ABI3BP: variants seen among roughly 807,000 people sequenced by gnomAD.
ABI3BP encodes the protein target of Nesh-SH3.
ABI3BP carries 216 observed loss-of-function variants against 268.6 expected under a neutral mutation model. The observed-to-expected ratio is 0.80, with a 90% CI of 0.72 to 0.90. ABI3BP has a LOEUF of 0.90. ABI3BP is among the 40% of genes least tolerant of loss of function. The probability of loss-of-function intolerance (pLI) is 0.00; values close to 1 mark genes in which losing one functional copy is unlikely to be tolerated. For missense variants in ABI3BP, 2,090 were observed against 2,182.4 expected (o/e 0.96, Z 0.84); for synonymous variants, 730 against 730.0 (o/e 1.00, Z 0.00).
intron 1 of ABI3BP, among the ~76,000 whole-genome samples, chr3:100,950,706 T>C (rs915519529): frequency 6.6e-6 from 1 of 152,004 alleles, no homozygotes; most frequent in African/African-American, 2.4e-5. Context: ...TTTTAAAAAT[T>C]AATATAAGAT....
chr3:100,981,512 C>A (rs2089437970), intron 1 of ABI3BP, among the ~76,000 whole-genome samples: 1 of 152,106 alleles, frequency 6.6e-6, no homozygotes, highest in Non-Finnish European at 1.5e-5. Context: ...ACAATCAAAC[C>A]AATCCAGTAC....
chr3:100,958,885 C>T (rs148297300), intron 1 of ABI3BP, among the ~76,000 whole-genome samples: 1 of 152,280 alleles, frequency 6.6e-6, no homozygotes, highest in East Asian at 1.9e-4. Context: ...TCTTCACGAA[C>T]CTCATGGTTA....
intron 9 of ABI3BP, among the ~76,000 whole-genome samples, chr3:100,872,004 TTTTTTA>T (rs2099115007): frequency 6.6e-6 from 1 of 152,056 alleles, no homozygotes; most frequent in African/African-American, 2.4e-5. Context: ...GCCTGGCTAT[TTTTTTA>T]TTTTAATATT....
intron 3 of ABI3BP, 32 bp downstream of exon 3, chr3:100,902,586 A>C (rs1383232969): frequency 6.2e-7 from 1 of 1,605,818 alleles, no homozygotes; most frequent in South Asian, 1.1e-5. Flanking sequence ...AAAGTTCATA[A>C]AAGAAAAAGA....
chr3:100,842,284 T>C (rs575869525), intron 20 of ABI3BP, among the ~76,000 whole-genome samples: 69 of 152,336 alleles, frequency 4.5e-4, no homozygotes, highest in African/African-American at 1.6e-3. Flanking sequence ...CCTCTGGTGC[T>C]GAGGAAATAC....
chr3:100,925,188 A>T (rs1418295425), intron 2 of ABI3BP, among the ~76,000 whole-genome samples: 1 of 152,186 alleles, frequency 6.6e-6, no homozygotes. Context: ...AGACGTCTGT[A>T]TGAGAAACAA....
chr3:100,822,305 CT>C (rs1329664363), intron 38 of ABI3BP, among the ~76,000 whole-genome samples: 1 of 152,130 alleles, frequency 6.6e-6, no homozygotes, highest in Non-Finnish European at 1.5e-5. Context: ...CTGAATATGT[CT>C]AATTTTTCTA....
At chr3:100,863,180 T>C (rs1446485310) in intron 12 of ABI3BP, 3 of 331,876 alleles carry the variant, frequency 9.0e-6, no homozygotes, top group East Asian at 1.2e-4. Flanking sequence ...TCTTCAGCTA[T>C]GTTTATGTGT....
intron 14 of ABI3BP, among the ~76,000 whole-genome samples, chr3:100,856,482 T>C (rs934679983): frequency 1.3e-5 from 2 of 152,218 alleles, no homozygotes; most frequent in Non-Finnish European, 2.9e-5. Flanking sequence ...GATAACTGTA[T>C]ATGATTCAAG....
chr3:100,799,183 C>T (rs1163839307), intron 51 of ABI3BP, among the ~76,000 whole-genome samples: 1 of 152,088 alleles, frequency 6.6e-6, no homozygotes. Flanking sequence ...TGCTCTCATT[C>T]CTTTAATAAA....
chr3:100,832,248 GA>G lies in ABI3BP; in HGVS notation c.2401+15del. ...TAGACTGCTTGGATTCTACAAAACAGAAACTACATATTTACCCAGTTTAGTT... is the reference window on the plus strand; with the variant it reads ...TAGACTGCTTGGATTCTACAAAACAGAACTACATATTTACCCAGTTTAGTT... On this transcript the variant is annotated intron_variant, in intron 31 of 67. Transcript: ENST00000471714. 6.5e-7 allele frequency: 1 copy of G among 1,533,960 alleles called. No homozygotes were observed. The highest frequency in any genetic ancestry group is 1.7e-4 in the Middle Eastern group (1 of 5,976).
chr3:100,867,560 G>C (rs988598053), intron 9 of ABI3BP, among the ~76,000 whole-genome samples: 9 of 143,886 alleles, frequency 6.3e-5, no homozygotes, highest in African/African-American at 2.1e-4. Flanking sequence ...AGAATGGCGT[G>C]AACCCGGGAG....
At chr3:100,946,321 A>T (rs1158139631) in intron 1 of ABI3BP, among the ~76,000 whole-genome samples, 4 of 151,618 alleles carry the variant, frequency 2.6e-5, no homozygotes, top group African/African-American at 9.7e-5. Flanking sequence ...AGGTGAGCCA[A>T]ATCATGCCAC....
At chr3:100,916,973 G>T (rs942568627) in intron 2 of ABI3BP, among the ~76,000 whole-genome samples, 1 of 152,178 alleles carries the variant, frequency 6.6e-6, no homozygotes, top group African/African-American at 2.4e-5. Flanking sequence ...AGAACAGCAG[G>T]TGTCAACCAT....
chr3:100,776,118 C>G (rs1359914225), intron 59 of ABI3BP, among the ~76,000 whole-genome samples: 1 of 152,200 alleles, frequency 6.6e-6, no homozygotes, highest in Non-Finnish European at 1.5e-5. Flanking sequence ...AAAACTGGAT[C>G]CATCCCAAGG....
At chr3:100,918,137 A>T (rs2059202892) in intron 2 of ABI3BP, among the ~76,000 whole-genome samples, 1 of 152,180 alleles carries the variant, frequency 6.6e-6, no homozygotes, top group African/African-American at 2.4e-5. Flanking sequence ...CCAAGTGGTA[A>T]ATCTATTTCC....
At chr3:100,887,536 T>G (rs2042545996) in intron 4 of ABI3BP, among the ~76,000 whole-genome samples, 1 of 152,004 alleles carries the variant, frequency 6.6e-6, no homozygotes, top group African/African-American at 2.4e-5. Context: ...TTCATCTGCT[T>G]TTTATTTTTA....
At chr3:100,888,827 T>C (rs1239328726) in intron 4 of ABI3BP, among the ~76,000 whole-genome samples, 2 of 152,056 alleles carry the variant, frequency 1.3e-5, no homozygotes, top group African/African-American at 4.8e-5. Flanking sequence ...TATCATTTTT[T>C]TTCAAGCAGA....
chr3:100,949,462 C>T (rs1040295294), intron 1 of ABI3BP, among the ~76,000 whole-genome samples: 3 of 152,016 alleles, frequency 2.0e-5, no homozygotes, highest in Admixed American at 6.6e-5. Context: ...AATGGAGTTT[C>T]GCCACGTTGA....
Sources: gnomAD v4.1 joint callset for allele counts (sites outside exome capture counted in the v4.1 genomes callset) on GRCh38, gnomAD v4.1.1 for gene constraint, MANE v1.5 for transcripts, NCBI Gene and HGNC (gene_info 2026-07-23, HGNC 2026-07-21) for gene names.